The following SRC variants were observed in gnomAD, a reference collection of about 807,000 sequenced individuals.
SRC encodes the protein proto-oncogene tyrosine-protein kinase Src.
Under a neutral mutation model 62.9 loss-of-function variants are expected in SRC, and 13 were observed. The ratio of observed to expected loss-of-function variants is 0.21; its 90% CI spans 0.13 to 0.33. The LOEUF (loss-of-function observed/expected upper bound fraction) is 0.33, where lower values mean the gene tolerates loss of function less well. SRC is among the 10% of genes least tolerant of loss of function. The probability of loss-of-function intolerance (pLI) is 1.00; values close to 1 mark genes in which losing one functional copy is unlikely to be tolerated. For synonymous variants in SRC, 302 were observed against 317.5 expected, an observed-to-expected ratio of 0.95 and a Z score of 0.52; for missense variants, 457 against 737.3, an observed-to-expected ratio of 0.62 and a Z score of 4.40.
chr20:37,373,848 C>T (rs1285852455), intron 2 of SRC, among the ~76,000 whole-genome samples: 1 of 152,108 alleles, frequency 6.6e-6, no homozygotes, highest in African/African-American at 2.4e-5. Flanking sequence ...TTCTGTTCCC[C>T]TGATGTACTG....
chr20:37,385,857 G>T (rs1048002847), intron 4 of SRC, among the ~76,000 whole-genome samples: 2 of 152,258 alleles, frequency 1.3e-5, no homozygotes, highest in African/African-American at 4.8e-5. Context: ...CGGACAGGAA[G>T]GGATGCTCCC....
chr20:37,352,437 A>G (rs923279150), intron 1 of SRC, among the ~76,000 whole-genome samples: 6 of 152,178 alleles, frequency 3.9e-5, no homozygotes, highest in African/African-American at 1.4e-4. Flanking sequence ...AACTAGAAAC[A>G]GACAAGCTTG....
At chr20:37,355,304 C>A (rs1302971893) in intron 1 of SRC, among the ~76,000 whole-genome samples, 1 of 150,050 alleles carries the variant, frequency 6.7e-6, no homozygotes, top group Non-Finnish European at 1.5e-5. Context: ...TATTTGGGGA[C>A]AATACTGCTG....
At chr20:37,388,439 C>G (rs1299418286) in intron 5 of SRC, among the ~76,000 whole-genome samples, 1 of 152,164 alleles carries the variant, frequency 6.6e-6, no homozygotes, top group Non-Finnish European at 1.5e-5. Context: ...CTCCAATGCT[C>G]CTTCGCTTAG....
chr20:37,397,831 G>A lies in SRC; in HGVS notation c.836G>A (p.Gly279Asp), dbSNP rs2070679414. The change falls in exon 9 of 14, where the codon GGC becomes GAC. Residue 279 changes from glycine (G) to aspartate (D), a missense_variant. By Grantham distance (94) the Gly-to-Asp change is moderately conservative. Transcript: ENST00000373578. This position sits in a 1 kb window ranked among gnomAD's most constrained non-coding sequence, Gnocchi z 4.1. The stretch of plus-strand genomic sequence containing the variant: ...CGGCTGGAGGTCAAGCTGGGCCAGG[G>A]CTGCTTTGGCGAGGTGTGGATGGGT... The part of the protein sequence containing the change: ...SLRLEVKLGQ[G>D]CFGEVWMGTW... 1 of 1,610,962 alleles carries A rather than the reference G, an allele frequency of 6.2e-7. No homozygotes were observed. Among genetic ancestry groups the A allele is most frequent in the Non-Finnish European group, 8.5e-7 (1 of 1,179,656 alleles).
chr20:37,402,410 C>T lies in SRC; in HGVS notation c.1117-25C>T, dbSNP rs746513498. ...GGGAGGGCATGGGTGGCACCTGAGC[C>T]AGGCTCCCACGGTTCCGCCTGCAGA... On this transcript the variant is annotated intron_variant, in intron 11 of 13. Transcript: ENST00000373578. The surrounding 1 kb of genome is among the most constrained non-coding windows in gnomAD (Gnocchi z 6.2). 9.3e-6 allele frequency: 15 copies of T among 1,604,996 alleles called. No individual in the cohort carries two copies. Among genetic ancestry groups the T allele is most frequent in the Non-Finnish European group, 1.1e-5 (13 of 1,174,648 alleles).
upstream of SRC, among the ~76,000 whole-genome samples, chr20:37,345,431 C>T (rs963579293): frequency 6.6e-6 from 1 of 152,186 alleles, no homozygotes; most frequent in Non-Finnish European, 1.5e-5. Flanking sequence ...CCCTGGTCAG[C>T]CCCTCCTAAG....
chr20:37,389,365 C>T (rs1293205108), intron 5 of SRC, among the ~76,000 whole-genome samples: 5 of 152,206 alleles, frequency 3.3e-5, no homozygotes, highest in Admixed American at 6.5e-5. Context: ...TGGGCAACAG[C>T]GCCTCAGCTG....
rs1352624429 is a variant in SRC at position 37,368,518 on chromosome 20, C to CTTTTTTTTTTTTTTTTTTTTTTTTTT, written c.-173+3266_-173+3267insTTTTTTTTTTTTTTTTTTTTTTTTTT. Among the ~76,000 whole-genome samples the CTTTTTTTTTTTTTTTTTTTTTTTTTT allele has an allele frequency of 6.2e-4, 46 of 73,920 alleles. 5 individuals carry two copies. The highest frequency in any genetic ancestry group is 1.4e-3 in the East Asian group (3 of 2,136). The allele number at this position is 73,920 out of a possible 152,430, so 48.5% of individuals were successfully genotyped here. ...GTCATAACATTTATGCCTATATTTT[C>CTTTTTTTTTTTTTTTTTTTTTTTTTT]TTTTTTTTTTTTTTTTTTTTTTTTT... On this transcript the variant is annotated intron_variant, in intron 2 of 13. Coordinates refer to ENST00000373578, the MANE Select transcript of SRC (RefSeq NM_198291.3).
intron 2 of SRC, among the ~76,000 whole-genome samples, chr20:37,368,518 CTTTTTTTTTTTT>C (rs1352624429): frequency 1.5e-3 from 114 of 73,916 alleles, no homozygotes; most frequent in East Asian, 8.0e-3. Flanking sequence ...CCTATATTTT[CTTTTTTTTTTTT>C]TTTTTTTTTT....
intron 2 of SRC, among the ~76,000 whole-genome samples, chr20:37,378,714 G>A (rs1412777321): frequency 3.3e-5 from 5 of 152,150 alleles, no homozygotes; most frequent in Admixed American, 2.6e-4. Context: ...AGTTTTAAGC[G>A]GAGGAGGCCC....
intron 11 of SRC, 26 bp downstream of exon 11, chr20:37,401,704 A>AC: frequency 6.3e-7 from 1 of 1,587,286 alleles, no homozygotes; most frequent in Non-Finnish European, 8.6e-7. Context: ...CCGCCTCCCC[A>AC]CACCCTTGGT....
intron 2 of SRC, among the ~76,000 whole-genome samples, chr20:37,368,518 C>CTTTTTTTTTTGTTTTTTTTTTTTTTTTTT (rs2070101835): frequency 1.4e-5 from 1 of 73,898 alleles, no homozygotes; most frequent in East Asian, 4.7e-4. Flanking sequence ...CCTATATTTT[C>CTTTTTTTTTTGTTTTTTTTTTTTTTTTTT]TTTTTTTTTT....
rs2147050212 is a variant in SRC, at chr20:37,384,290, G to A, written c.137G>A (p.Gly46Asp). The change falls in exon 4 of 14, where the codon GGC (glycine) becomes GAC (aspartate). Residue 46 changes from glycine (G) to aspartate (D), a missense_variant. Coordinates refer to ENST00000373578, the MANE Select transcript of SRC (RefSeq NM_198291.3). This position sits in a 1 kb window ranked among gnomAD's most constrained non-coding sequence, Gnocchi z 6.7. Reference sequence around the variant, plus strand: ...CCCAGCAAGCCAGCCTCGGCCGACGGCCACCGCGGCCCCAGCGCGGCCTTC... The same window carrying A: ...CCCAGCAAGCCAGCCTCGGCCGACGACCACCGCGGCCCCAGCGCGGCCTTC... ...QTPSKPASAD[G>D]HRGPSAAFAP... 1.3e-6 allele frequency: 2 copies of A among 1,497,148 alleles called. No homozygotes were observed. Among genetic ancestry groups the A allele is most frequent in the Non-Finnish European group, 1.8e-6 (2 of 1,131,586 alleles). 92.7% of individuals were successfully genotyped at this position (1,497,148 alleles called of 1,614,324 possible).
chr20:37,363,693 C>G (rs1006021068), intron 1 of SRC, among the ~76,000 whole-genome samples: 1 of 152,146 alleles, frequency 6.6e-6, no homozygotes, highest in Non-Finnish European at 1.5e-5. Flanking sequence ...ATTCCACCCC[C>G]GCCTGGACCA....
intron 1 of SRC, among the ~76,000 whole-genome samples, chr20:37,348,157 G>T (rs1021728390): frequency 1.3e-5 from 2 of 152,126 alleles, no homozygotes; most frequent in African/African-American, 4.8e-5. Flanking sequence ...CCCTTGCCCC[G>T]CCAGGCTTAG....
At chr20:37,350,065 G>A (rs993302533) in intron 1 of SRC, among the ~76,000 whole-genome samples, 3 of 152,146 alleles carry the variant, frequency 2.0e-5, no homozygotes, top group Non-Finnish European at 2.9e-5. Context: ...GCCTTTTGCC[G>A]GAGCTTCATT....
rs1415172492 is a variant in SRC, at chr20:37,384,560, G to T, written c.250+157G>T. 6.6e-6 allele frequency among the ~76,000 whole-genome samples: 1 copy of T among 152,050 alleles called. No individual in the cohort carries two copies. Among genetic ancestry groups the T allele is most frequent in the African/African-American group, 2.4e-5 (1 of 41,380 alleles). Reference sequence around the variant, plus strand: ...TGGGTGTCCGGGGGGTGGGGGGGCGGCCGTACACACTGTGAAGCGTCCGCG... The same window carrying T: ...TGGGTGTCCGGGGGGTGGGGGGGCGTCCGTACACACTGTGAAGCGTCCGCG... On this transcript the variant is annotated intron_variant, in intron 4 of 13. Coordinates refer to ENST00000373578, the MANE Select transcript of SRC (RefSeq NM_198291.3). The surrounding 1 kb of genome is among the most constrained non-coding windows in gnomAD (Gnocchi z 6.7).
intron 5 of SRC, among the ~76,000 whole-genome samples, chr20:37,390,929 A>G (rs1193970046): frequency 6.6e-6 from 1 of 152,122 alleles, no homozygotes; most frequent in African/African-American, 2.4e-5. Context: ...ATTGGAGTGC[A>G]TCTCATCTCT....
Sources: allele counts gnomAD v4.1 joint callset (sites outside exome capture counted in the v4.1 genomes callset), GRCh38; gene constraint gnomAD v4.1.1; non-coding constraint Gnocchi (gnomAD v3.1); transcripts MANE v1.5; gene names NCBI Gene and HGNC (gene_info 2026-07-23, HGNC 2026-07-21).